KCNB2: variants seen among roughly 807,000 people sequenced by gnomAD.
KCNB2 encodes the protein delayed rectifier potassium channel protein.
In KCNB2, 15 loss-of-function variants were observed where a neutral mutation model predicts 61.5. That is an observed-to-expected ratio of 0.24 (90% CI 0.16 to 0.38). The LOEUF (loss-of-function observed/expected upper bound fraction) is 0.38. KCNB2 is among the 10% of genes least tolerant of loss of function. The pLI is 1.00. For synonymous variants in KCNB2, 457 were observed against 446.0 expected (o/e 1.02, Z -0.31); for missense variants, 828 against 1,125.2 (o/e 0.74, Z 3.78).
chr8:72,641,820 A>G (rs1050799053), intron 2 of KCNB2, among the ~76,000 whole-genome samples: 2 of 152,158 alleles, frequency 1.3e-5, no homozygotes, highest in African/African-American at 4.8e-5. Context: ...AACATACTGT[A>G]TATAAAAGAA....
chr8:72,701,368 C>A (rs1807121996), intron 2 of KCNB2, among the ~76,000 whole-genome samples: 1 of 152,048 alleles, frequency 6.6e-6, no homozygotes, highest in Non-Finnish European at 1.5e-5. Flanking sequence ...AGAAATTAAC[C>A]AGTTACATAA....
intron 2 of KCNB2, among the ~76,000 whole-genome samples, chr8:72,628,396 AGG>A (rs3031982): frequency 0.71 from 102,714 of 144,276 alleles, 37,012 homozygotes; most frequent in Admixed American, 0.79. Flanking sequence ...TTCTCCTGTT[AGG>A]GGGTGTGTGT....
chr8:72,929,990 C>T (rs1256409150), intron 2 of KCNB2, among the ~76,000 whole-genome samples: 1 of 141,392 alleles, frequency 7.1e-6, no homozygotes, highest in African/African-American at 2.6e-5. Context: ...TGATATCCCC[C>T]TTCCTGTGTC....
Position 72,568,151 on chromosome 8 carries a change from C to T in KCNB2, c.417C>T (p.Ala139=), listed in dbSNP as rs1182961935. ...DEIYLESCCQ[A]RYHQKKEQMN... ...TCTACTTGGAGTCCTGCTGCCAGGC[C>T]AGATATCATCAAAAAAAAGAACAAA... The change falls in exon 2 of 3, where the codon GCC becomes GCT. Residue 139 remains alanine, a synonymous_variant. Coordinates refer to ENST00000523207, the MANE Select transcript of KCNB2 (RefSeq NM_004770.3). The T allele has an allele frequency of 1.2e-5, 19 of 1,613,770 alleles. No individual in the cohort carries two copies. Among genetic ancestry groups the T allele is most frequent in the Non-Finnish European group, 1.6e-5 (19 of 1,180,000 alleles).
In KCNB2 at chr8:72,938,233, A is replaced by T; in HGVS notation, c.*142A>T. ...GCATAAAATGTTATTTTTGCATGGC[A>T]TGAACAGTTTAGCTTAAGTACTGTT... On this transcript the variant is annotated 3_prime_UTR_variant, in exon 3 of 3. Transcript: ENST00000523207. The T allele has an allele frequency of 1.5e-6, 1 of 655,900 alleles. No individual in the cohort carries two copies. Among genetic ancestry groups the T allele is most frequent in the Non-Finnish European group, 2.7e-6 (1 of 377,080 alleles). 40.6% of individuals were successfully genotyped at this position (655,900 alleles called of 1,614,324 possible).
intron 2 of KCNB2, among the ~76,000 whole-genome samples, chr8:72,784,052 A>G (rs143798551): frequency 1.3e-5 from 2 of 152,168 alleles, no homozygotes; most frequent in African/African-American, 4.8e-5. Context: ...TGCAATCTCT[A>G]CCACTGTGTT....
chr8:72,635,901 T>G (rs989761486), intron 2 of KCNB2, among the ~76,000 whole-genome samples: 4 of 152,212 alleles, frequency 2.6e-5, no homozygotes, highest in African/African-American at 9.6e-5. Flanking sequence ...CCTGCCCTAC[T>G]ACCTACTCGT....
At chr8:72,908,425 C>T (rs1260013882) in intron 2 of KCNB2, among the ~76,000 whole-genome samples, 1 of 152,116 alleles carries the variant, frequency 6.6e-6, no homozygotes, top group Non-Finnish European at 1.5e-5. Flanking sequence ...TGATTTTGTT[C>T]ACCTATTTAT....
intron 2 of KCNB2, among the ~76,000 whole-genome samples, chr8:72,898,822 T>C (rs921148861): frequency 6.6e-6 from 1 of 152,156 alleles, no homozygotes; most frequent in Admixed American, 6.5e-5. Context: ...ACAGTGTCTG[T>C]TGTTTCCATT....
chr8:72,723,959 T>C (rs16938337), intron 2 of KCNB2, among the ~76,000 whole-genome samples: 3,726 of 152,304 alleles, frequency 0.024, 63 homozygotes, highest in South Asian at 0.075. Context: ...TCGATTTTTT[T>C]TGGGCAGATT....
At chr8:72,836,409 A>G (rs995131647) in intron 2 of KCNB2, among the ~76,000 whole-genome samples, 1 of 152,250 alleles carries the variant, frequency 6.6e-6, no homozygotes, top group African/African-American at 2.4e-5. Context: ...GACCTGTGAC[A>G]TGCCTTTACT....
intron 2 of KCNB2, among the ~76,000 whole-genome samples, chr8:72,840,179 T>C (rs914092948): frequency 6.6e-6 from 1 of 152,128 alleles, no homozygotes; most frequent in African/African-American, 2.4e-5. Flanking sequence ...TCTGTTCCTG[T>C]GTTACTTTGC....
At chr8:72,865,353 C>G (rs1345429960) in intron 2 of KCNB2, among the ~76,000 whole-genome samples, 1 of 152,142 alleles carries the variant, frequency 6.6e-6, no homozygotes, top group Non-Finnish European at 1.5e-5. Context: ...GCATCTAGTG[C>G]CCAGGCCTAT....
At chr8:72,895,277 G>A (rs1805972666) in intron 2 of KCNB2, among the ~76,000 whole-genome samples, 1 of 152,170 alleles carries the variant, frequency 6.6e-6, no homozygotes, top group Admixed American at 6.5e-5. Flanking sequence ...TATCCAGGTG[G>A]GCCCCAGGTA....
intron 2 of KCNB2, among the ~76,000 whole-genome samples, chr8:72,934,499 A>C (rs969825304): frequency 5.9e-5 from 9 of 152,112 alleles, no homozygotes; most frequent in African/African-American, 2.2e-4. Context: ...AAAAAGAAGA[A>C]AATGCAGGGA....
At chr8:72,607,499 T>C (rs1383482229) in intron 2 of KCNB2, among the ~76,000 whole-genome samples, 1 of 152,246 alleles carries the variant, frequency 6.6e-6, no homozygotes, top group Non-Finnish European at 1.5e-5. Context: ...TTACTTTGCA[T>C]TTCCAGGCTG....
At chr8:72,829,519 T>G (rs1440084039) in intron 2 of KCNB2, among the ~76,000 whole-genome samples, 1 of 152,162 alleles carries the variant, frequency 6.6e-6, no homozygotes, top group African/African-American at 2.4e-5. Context: ...TCCCAAAGAA[T>G]TTTTTAGAAA....
chr8:72,546,097 A>G (rs1806253987), intron 1 of KCNB2, among the ~76,000 whole-genome samples: 1 of 152,178 alleles, frequency 6.6e-6, no homozygotes, highest in South Asian at 2.1e-4. Flanking sequence ...CTGGTTTGCT[A>G]TCTTAGAAGA....
At chr8:72,560,015 G>T (rs558943760) in intron 1 of KCNB2, among the ~76,000 whole-genome samples, 4 of 152,210 alleles carry the variant, frequency 2.6e-5, no homozygotes, top group Middle Eastern at 3.4e-3. Context: ...AAACATGGAG[G>T]TATATAAAGC....
Sources: gnomAD v4.1 joint callset for allele counts (sites outside exome capture counted in the v4.1 genomes callset) on GRCh38, gnomAD v4.1.1 for gene constraint, MANE v1.5 for transcripts, NCBI Gene and HGNC (gene_info 2026-07-23, HGNC 2026-07-21) for gene names.